The following COL23A1 variants were observed in gnomAD, a reference collection of about 807,000 sequenced individuals.
COL23A1 encodes collagen alpha-1(XXIII) chain.
In COL23A1, 97 loss-of-function variants were observed where a neutral mutation model predicts 99.3. The ratio of observed to expected loss-of-function variants is 0.98; its 90% confidence interval spans 0.83 to 1.16. The LOEUF (loss-of-function observed/expected upper bound fraction) is 1.16. Ranked by LOEUF, COL23A1 falls within the 50% of genes most tolerant of loss-of-function variation. The pLI, the probability that COL23A1 is intolerant of heterozygous loss-of-function variation, is 0.00. For missense variants in COL23A1, 762 were observed against 757.4 expected, an observed-to-expected ratio of 1.01 and a Z score of -0.07; for synonymous variants, 320 against 308.2, an observed-to-expected ratio of 1.04 and a Z score of -0.40.
intron 25 of COL23A1, among the ~76,000 whole-genome samples, chr5:178,245,084 C>T (rs1275477949): frequency 6.6e-6 from 1 of 150,874 alleles, no homozygotes; most frequent in Non-Finnish European, 1.5e-5. Context: ...ATCTATCATC[C>T]ATCCATCCGT....
intron 3 of COL23A1, among the ~76,000 whole-genome samples, chr5:178,295,559 G>C (rs958153190): frequency 2.6e-5 from 4 of 152,236 alleles, no homozygotes; most frequent in African/African-American, 9.6e-5. Flanking sequence ...TCTCTCTAGA[G>C]AGTGATCTGG....
At chr5:178,433,760 A>C (rs558438987) in intron 2 of COL23A1, among the ~76,000 whole-genome samples, 1 of 152,364 alleles carries the variant, frequency 6.6e-6, no homozygotes, top group African/African-American at 2.4e-5. Context: ...ACCCTCTGTT[A>C]ATGGCTGAAT....
chr5:178,390,919 C>G (rs565857928), intron 2 of COL23A1, among the ~76,000 whole-genome samples: 9 of 152,322 alleles, frequency 5.9e-5, no homozygotes, highest in African/African-American at 1.9e-4. Flanking sequence ...ACCAAAGGAG[C>G]AATAGATAAA....
intron 2 of COL23A1, among the ~76,000 whole-genome samples, chr5:178,478,524 C>A (rs181620659): frequency 6.6e-6 from 1 of 152,166 alleles, no homozygotes; most frequent in Non-Finnish European, 1.5e-5. Flanking sequence ...CATCCAGTAT[C>A]CCCCACACCA....
intron 2 of COL23A1, among the ~76,000 whole-genome samples, chr5:178,539,897 T>C (rs1761196455): frequency 6.6e-6 from 1 of 152,156 alleles, no homozygotes; most frequent in African/African-American, 2.4e-5. Flanking sequence ...CAGCAACATA[T>C]TAAAATAATA....
chr5:178,306,786 G>T lies in COL23A1; in HGVS notation c.406+89C>A. On this transcript the variant is annotated intron_variant, in intron 3 of 28. Transcript: ENST00000390654. The surrounding 1 kb of genome is among the most constrained non-coding windows in gnomAD (Gnocchi z 4.1). Reference sequence around the variant, plus strand: ...AGGACCAAGGCATGACTCAGGGTGGGCAGCAGGTGGCCAGGCCCTGCAGTC... The same window carrying T: ...AGGACCAAGGCATGACTCAGGGTGGTCAGCAGGTGGCCAGGCCCTGCAGTC... The T allele has an allele frequency of 1.0e-6, 1 of 971,094 alleles. No homozygotes were observed. The highest frequency in any genetic ancestry group is 1.4e-6 in the Non-Finnish European group (1 of 690,554). 60.2% of individuals were successfully genotyped at this position (971,094 alleles called of 1,614,324 possible).
intron 2 of COL23A1, among the ~76,000 whole-genome samples, chr5:178,328,079 A>T (rs1235709845): frequency 6.6e-6 from 1 of 151,938 alleles, no homozygotes; most frequent in African/African-American, 2.4e-5. Context: ...CGGTCCAACC[A>T]AGAACCCTGG....
intron 2 of COL23A1, among the ~76,000 whole-genome samples, chr5:178,460,709 C>T (rs1756072272): frequency 6.6e-6 from 1 of 152,198 alleles, no homozygotes; most frequent in African/African-American, 2.4e-5. Context: ...ATCCCTTTGC[C>T]CTGCTTTTCT....
intron 5 of COL23A1, 151 bp from the exon 6 acceptor site, chr5:178,270,514 A>G: frequency 1.2e-6 from 1 of 859,838 alleles, no homozygotes; most frequent in Non-Finnish European, 1.9e-6. Context: ...GGGCTGAGGG[A>G]GGGGAAGGCA....
intron 2 of COL23A1, among the ~76,000 whole-genome samples, chr5:178,546,461 G>T (rs934054184): frequency 4.6e-5 from 7 of 152,108 alleles, no homozygotes; most frequent in Admixed American, 1.3e-4. Flanking sequence ...ACCCTCCCTG[G>T]ATCCCCTCCC....
chr5:178,578,114 CAT>C (rs1432175264), intron 1 of COL23A1, among the ~76,000 whole-genome samples: 29 of 146,058 alleles, frequency 2.0e-4, no homozygotes, highest in African/African-American at 7.7e-4. Context: ...CACATGCACA[CAT>C]TCATGCACAC....
intron 1 of COL23A1, among the ~76,000 whole-genome samples, chr5:178,584,303 C>A (rs1178889039): frequency 7.8e-6 from 1 of 129,000 alleles, no homozygotes; most frequent in Non-Finnish European, 1.6e-5. Flanking sequence ...AGCCACTGCA[C>A]CTGGCCACAC....
Position 178,237,999 on chromosome 5 carries a change from T to C in COL23A1, c.*699A>G, listed in dbSNP as rs13741. On this transcript the variant is annotated 3_prime_UTR_variant, in exon 29 of 29. Transcript: ENST00000390654. Reference sequence around the variant, plus strand: ...CAGTCCAGGCTGGGCCCCTCCATCCTCGACACTCTGCTCCCTGGAGCTGGG... The same window carrying C: ...CAGTCCAGGCTGGGCCCCTCCATCCCCGACACTCTGCTCCCTGGAGCTGGG... 0.8 allele frequency: 122,001 copies of C among 153,214 alleles called. 48,908 individuals carry two copies. Among genetic ancestry groups the C allele is most frequent in the Middle Eastern group, 0.9 (279 of 310 alleles). 9.5% of individuals were successfully genotyped at this position (153,214 alleles called of 1,614,324 possible).
intron 2 of COL23A1, among the ~76,000 whole-genome samples, chr5:178,405,731 T>C (rs927332159): frequency 1.3e-5 from 2 of 152,206 alleles, no homozygotes; most frequent in African/African-American, 4.8e-5. Flanking sequence ...GATTTGATAC[T>C]GCAAATCCAT....
intron 2 of COL23A1, among the ~76,000 whole-genome samples, chr5:178,419,615 G>A (rs1765493301): frequency 6.6e-6 from 1 of 152,178 alleles, no homozygotes; most frequent in Non-Finnish European, 1.5e-5. Flanking sequence ...CCTAATGTCG[G>A]CGTGTGGGGT....
chr5:178,279,276 G>T (rs927113323), intron 5 of COL23A1, among the ~76,000 whole-genome samples: 1 of 152,008 alleles, frequency 6.6e-6, no homozygotes, highest in East Asian at 1.9e-4. Context: ...TCCCGCCCCC[G>T]CCAGTTTCTC....
At chr5:178,294,342 CCCCAAA>C in intron 3 of COL23A1, among the ~76,000 whole-genome samples, 4 of 39,588 alleles carry the variant, frequency 1.0e-4, no homozygotes, top group African/African-American at 2.7e-4. Context: ...CGAGCTCCCT[CCCCAAA>C]TCACTACCGA....
At position 178,246,427 on chromosome 5, in the gene COL23A1, CT is replaced by C; in HGVS notation, c.1322del (p.Lys441ArgfsTer39). ...TGGGGCCTCTCTCACCCGACGCACC[CT>C]TCTCTCCCTTTGCTCCATCCAAGCC... ...PKGLDGAKGE[K>X]GASGERGPSG... On this transcript the variant is annotated frameshift_variant, in exon 23 of 29. Transcript: ENST00000390654. LOFTEE classifies it high-confidence loss of function. The C allele has an allele frequency of 6.3e-7, 1 of 1,576,480 alleles. No individual in the cohort carries two copies. The highest frequency in any genetic ancestry group is 1.8e-5 in the Admixed American group (1 of 54,530).
intron 2 of COL23A1, among the ~76,000 whole-genome samples, chr5:178,349,357 G>A (rs1447361186): frequency 2.6e-5 from 4 of 152,196 alleles, no homozygotes; most frequent in African/African-American, 7.2e-5. Context: ...GCCCACTGCG[G>A]CGGGTGCCCA....
Sources: allele counts gnomAD v4.1 joint callset (sites outside exome capture counted in the v4.1 genomes callset), GRCh38; gene constraint gnomAD v4.1.1; non-coding constraint Gnocchi (gnomAD v3.1); transcripts MANE v1.5; gene names NCBI Gene and HGNC (gene_info 2026-07-23, HGNC 2026-07-21).